TMEM163: variants seen among roughly 807,000 people sequenced by gnomAD.
TMEM163 encodes transmembrane protein 163.
In TMEM163, 17 loss-of-function variants were observed where a neutral mutation model predicts 29.3. The ratio of observed to expected loss-of-function variants is 0.58; its 90% confidence interval spans 0.40 to 0.87. The LOEUF (loss-of-function observed/expected upper bound fraction) is 0.87. TMEM163 is among the 40% of genes least tolerant of loss of function. The pLI, the probability that TMEM163 is intolerant of heterozygous loss-of-function variation, is 0.00. For missense variants in TMEM163, 303 were observed against 381.5 expected (o/e 0.79, Z 1.71); for synonymous variants, 157 against 160.6 (o/e 0.98, Z 0.17).
At chr2:134,498,538 G>C (rs1483267694) in intron 5 of TMEM163, among the ~76,000 whole-genome samples, 1 of 151,986 alleles carries the variant, frequency 6.6e-6, no homozygotes, top group African/African-American at 2.4e-5. Flanking sequence ...CACCATGTTA[G>C]CCAGGCTGGT....
intron 2 of TMEM163, among the ~76,000 whole-genome samples, chr2:134,673,298 C>T (rs1684033798): frequency 6.6e-6 from 1 of 152,108 alleles, no homozygotes; most frequent in Admixed American, 6.5e-5. Context: ...TTTTTGGCTG[C>T]CTCCCACCTT....
intron 2 of TMEM163, among the ~76,000 whole-genome samples, chr2:134,591,940 TAA>T (rs975186037): frequency 6.7e-6 from 1 of 148,914 alleles, no homozygotes; most frequent in Non-Finnish European, 1.5e-5. Flanking sequence ...GTAAAATATG[TAA>T]AGAGATTTAC....
At chr2:134,464,650 T>C (rs689399) in intron 6 of TMEM163, among the ~76,000 whole-genome samples, 26,030 of 152,072 alleles carry the variant, frequency 0.17, 2,776 homozygotes, top group South Asian at 0.31. Context: ...TGTTGCAGAC[T>C]CAGGAGGAGG....
chr2:134,716,003 G>C (rs894004859), intron 1 of TMEM163, among the ~76,000 whole-genome samples: 1 of 152,186 alleles, frequency 6.6e-6, no homozygotes, highest in African/African-American at 2.4e-5. Context: ...AGAGGCTGAA[G>C]CCATCAGTTA....
intron 2 of TMEM163, among the ~76,000 whole-genome samples, chr2:134,595,080 T>G (rs1252156555): frequency 6.6e-6 from 1 of 151,450 alleles, no homozygotes; most frequent in Non-Finnish European, 1.5e-5. Flanking sequence ...AAAGCATAAA[T>G]TTTTATTTTT....
intron 2 of TMEM163, among the ~76,000 whole-genome samples, chr2:134,692,817 A>G (rs1684501007): frequency 6.6e-6 from 1 of 152,164 alleles, no homozygotes; most frequent in Non-Finnish European, 1.5e-5. Flanking sequence ...ACTGTGGGTG[A>G]CAGCTTCACA....
intron 2 of TMEM163, among the ~76,000 whole-genome samples, chr2:134,608,977 C>CAA (rs1682427012): frequency 1.6e-4 from 13 of 82,412 alleles, no homozygotes; most frequent in African/African-American, 5.9e-4. Flanking sequence ...GGACAGACCC[C>CAA]GAGAACTGTA....
intron 2 of TMEM163, among the ~76,000 whole-genome samples, chr2:134,667,862 AC>A (rs1266913209): frequency 6.6e-6 from 1 of 152,210 alleles, no homozygotes; most frequent in Non-Finnish European, 1.5e-5. Flanking sequence ...GTCTAAATCC[AC>A]CAATATCACC....
At chr2:134,595,114 A>G (rs1357792720) in intron 2 of TMEM163, among the ~76,000 whole-genome samples, 1 of 151,532 alleles carries the variant, frequency 6.6e-6, no homozygotes, top group Non-Finnish European at 1.5e-5. Context: ...TTTTATTTAT[A>G]TATATATTTT....
chr2:134,681,219 G>A (rs4954162), intron 2 of TMEM163, among the ~76,000 whole-genome samples: 20,353 of 152,136 alleles, frequency 0.13, 1,616 homozygotes, highest in Middle Eastern at 0.35. Context: ...AAGGGTCACC[G>A]TGGCCATCTC....
At chr2:134,471,468 C>T (rs1180081406) in intron 5 of TMEM163, among the ~76,000 whole-genome samples, 1 of 152,226 alleles carries the variant, frequency 6.6e-6, no homozygotes, top group East Asian at 1.9e-4. Context: ...GGATCCCTCA[C>T]CAGATGCTGA....
intron 2 of TMEM163, among the ~76,000 whole-genome samples, chr2:134,585,524 C>T (rs1246076415): frequency 1.6e-4 from 24 of 152,208 alleles, no homozygotes; most frequent in African/African-American, 4.8e-4. Context: ...GGGCAGATTA[C>T]GAGGTCAAGA....
chr2:134,606,763 G>A (rs537421408), intron 2 of TMEM163, among the ~76,000 whole-genome samples: 1 of 152,374 alleles, frequency 6.6e-6, no homozygotes, highest in African/African-American at 2.4e-5. Context: ...GGTGGCCACA[G>A]CACTGAATGT....
intron 2 of TMEM163, among the ~76,000 whole-genome samples, chr2:134,677,988 A>G (rs1211125647): frequency 6.6e-6 from 1 of 152,214 alleles, no homozygotes; most frequent in East Asian, 1.9e-4. Flanking sequence ...GCAGCCAAGC[A>G]CAAAAAACGA....
At chr2:134,489,634 C>T (rs1453538251) in intron 5 of TMEM163, among the ~76,000 whole-genome samples, 1 of 151,854 alleles carries the variant, frequency 6.6e-6, no homozygotes, top group Non-Finnish European at 1.5e-5. Flanking sequence ...GAATAACCCA[C>T]AACAATGTTA....
chr2:134,663,730 AC>A (rs1331434939), intron 2 of TMEM163, among the ~76,000 whole-genome samples: 1 of 152,196 alleles, frequency 6.6e-6, no homozygotes, highest in African/African-American at 2.4e-5. Context: ...TCTCCACCCA[AC>A]AGGTGAGGAC....
intron 5 of TMEM163, among the ~76,000 whole-genome samples, chr2:134,492,972 A>G (rs1679462051): frequency 6.6e-6 from 1 of 152,224 alleles, no homozygotes; most frequent in South Asian, 2.1e-4. Context: ...CCATCAGAGC[A>G]TAAGAGTTCC....
intron 4 of TMEM163, among the ~76,000 whole-genome samples, chr2:134,521,231 T>C (rs1363373444): frequency 3.3e-5 from 5 of 152,130 alleles, no homozygotes; most frequent in African/African-American, 1.2e-4. Context: ...TCTCCTGACC[T>C]CGTGATCCAC....
At chr2:134,566,989 T>C (rs756218635) in intron 2 of TMEM163, among the ~76,000 whole-genome samples, 37 of 152,192 alleles carry the variant, frequency 2.4e-4, no homozygotes, top group Non-Finnish European at 5.1e-4. Context: ...ACAGAAATTT[T>C]TCTTTATGAT....
Sources: allele counts gnomAD v4.1 joint callset (sites outside exome capture counted in the v4.1 genomes callset), GRCh38; gene constraint gnomAD v4.1.1; transcripts MANE v1.5; gene names NCBI Gene and HGNC (gene_info 2026-07-23, HGNC 2026-07-21).